Variants in LCMT1 observed in about 807,000 individuals in gnomAD.
LCMT1 encodes leucine carboxyl methyltransferase 1.
In LCMT1, 32 loss-of-function variants were observed where a neutral mutation model predicts 47.7. That is an observed-to-expected ratio of 0.67 (90% CI 0.51 to 0.90). The LOEUF (loss-of-function observed/expected upper bound fraction) is 0.90. Among genes scored for constraint, LCMT1 ranks in the 40% least tolerant of loss-of-function variants. The pLI is 0.00. For synonymous variants in LCMT1, 152 were observed against 149.7 expected, an observed-to-expected ratio of 1.02 and a Z score of -0.11; for missense variants, 375 against 415.2, an observed-to-expected ratio of 0.90 and a Z score of 0.84.
chr16:25,177,304 G>A (rs1315928635), intron 10 of LCMT1, among the ~76,000 whole-genome samples: 4 of 152,112 alleles, frequency 2.6e-5, no homozygotes, highest in Admixed American at 2.0e-4. Context: ...AAATCCACCT[G>A]TATGCCTGTC....
chr16:25,124,398 C>G (rs1419798599), intron 1 of LCMT1, among the ~76,000 whole-genome samples: 1 of 152,086 alleles, frequency 6.6e-6, no homozygotes, highest in Non-Finnish European at 1.5e-5. Flanking sequence ...ATTTGAACAC[C>G]TACATTAAAC....
intron 10 of LCMT1, 40 bp from the exon 11 acceptor site, chr16:25,177,961 C>G (rs1422967009): frequency 6.2e-7 from 1 of 1,607,952 alleles, no homozygotes; most frequent in Admixed American, 1.7e-5. Context: ...CTCCTGGCCA[C>G]CAGAGTCTCC....
intron 9 of LCMT1, among the ~76,000 whole-genome samples, chr16:25,171,928 T>G (rs748317532): frequency 1.7e-4 from 26 of 152,192 alleles, no homozygotes; most frequent in Non-Finnish European, 3.5e-4. Flanking sequence ...CACATACTGG[T>G]CTGTAAACCA....
At position 25,170,779 on chromosome 16, in the gene LCMT1, C is replaced by T. The variant is rs1399328606; in HGVS notation, c.858C>T (p.Asn286=). Reference sequence around the variant, plus strand: ...CCGTCGACATGATGGAGTTGTACAACAGGTTACCTCGAGCTGAAGTGAGCA... The same window carrying T: ...CCGTCGACATGATGGAGTTGTACAATAGGTTACCTCGAGCTGAAGTGAGCA... ...ASAVDMMELY[N]RLPRAEVSRI... Residue 286 remains asparagine, a synonymous_variant, in exon 9 of 11, where the codon AAC becomes AAT. Transcript: ENST00000399069. 3 of 1,612,512 alleles carry T rather than the reference C, an allele frequency of 1.9e-6. No homozygotes were observed. Among genetic ancestry groups the T allele is most frequent in the Non-Finnish European group, 2.5e-6 (3 of 1,178,986 alleles).
intron 3 of LCMT1, among the ~76,000 whole-genome samples, chr16:25,134,067 A>AT (rs993954679): frequency 4.4e-4 from 62 of 140,658 alleles, no homozygotes; most frequent in Non-Finnish European, 5.3e-4. Context: ...CACTAATTGC[A>AT]TTTTTTTTTT....
At chr16:25,134,505 C>T (rs1231999506) in intron 3 of LCMT1, among the ~76,000 whole-genome samples, 1 of 152,194 alleles carries the variant, frequency 6.6e-6, no homozygotes, top group Non-Finnish European at 1.5e-5. Context: ...CATTAAACTC[C>T]GGATTTCTTC....
intron 6 of LCMT1, 143 bp from the exon 7 acceptor site, chr16:25,164,455 G>C: frequency 1.2e-6 from 1 of 834,984 alleles, no homozygotes; most frequent in Non-Finnish European, 1.9e-6. Flanking sequence ...ATGTATTCCT[G>C]TCCTGACTGG....
chr16:25,158,432 G>A (rs557093834), intron 5 of LCMT1, among the ~76,000 whole-genome samples: 17 of 152,354 alleles, frequency 1.1e-4, no homozygotes, highest in South Asian at 8.3e-4. Flanking sequence ...ACTGCGCCCG[G>A]CCGGTCTGTT....
Position 25,132,524 on chromosome 16 carries a change from G to C in LCMT1, c.327+1G>C. The C allele has an allele frequency of 6.2e-7, 1 of 1,613,218 alleles. No individual in the cohort carries two copies. Among genetic ancestry groups the C allele is most frequent in the South Asian group, 1.1e-5 (1 of 90,934 alleles). On this transcript the variant is annotated splice_donor_variant, in intron 3 of 10. Coordinates refer to ENST00000399069, the MANE Select transcript of LCMT1 (RefSeq NM_016309.3). LOFTEE classifies it high-confidence loss of function. ...GGATACCACCTTCTGGAGATTAAAG[G>C]TATGTTCAAATTCCCCTCCTCCCTC...
chr16:25,135,857 G>A (rs1382852853), intron 3 of LCMT1, among the ~76,000 whole-genome samples: 3 of 152,032 alleles, frequency 2.0e-5, no homozygotes, highest in African/African-American at 4.8e-5. Flanking sequence ...TTGGGATGCC[G>A]AGGTGGTTGA....
chr16:25,173,473 C>T (rs1001642160), intron 9 of LCMT1, among the ~76,000 whole-genome samples: 7 of 152,144 alleles, frequency 4.6e-5, no homozygotes, highest in Admixed American at 1.3e-4. Flanking sequence ...CATACCAAGA[C>T]GGGAATGAAC....
chr16:25,134,054 C>A (rs1429765379), intron 3 of LCMT1, among the ~76,000 whole-genome samples: 4 of 148,304 alleles, frequency 2.7e-5, no homozygotes, highest in African/African-American at 5.0e-5. Flanking sequence ...AAAAAAAAGT[C>A]CTCACTAATT....
At chr16:25,160,182 T>C (rs1250795346) in intron 5 of LCMT1, among the ~76,000 whole-genome samples, 1 of 152,100 alleles carries the variant, frequency 6.6e-6, no homozygotes, top group East Asian at 1.9e-4. Context: ...CTCCTGACCT[T>C]GTGATCCACC....
intron 3 of LCMT1, among the ~76,000 whole-genome samples, chr16:25,137,818 G>A (rs970969015): frequency 1.3e-5 from 2 of 152,150 alleles, no homozygotes; most frequent in Non-Finnish European, 2.9e-5. Context: ...TCTTTATGTG[G>A]GAGGGTGCTG....
At chr16:25,133,289 G>T (rs906950416) in intron 3 of LCMT1, among the ~76,000 whole-genome samples, 1 of 150,632 alleles carries the variant, frequency 6.6e-6, no homozygotes, top group African/African-American at 2.4e-5. Flanking sequence ...TTTCTGATTT[G>T]GTCTCTTAAC....
At chr16:25,155,447 T>A (rs1292568385) in intron 5 of LCMT1, among the ~76,000 whole-genome samples, 2 of 151,760 alleles carry the variant, frequency 1.3e-5, no homozygotes, top group Non-Finnish European at 2.9e-5. Context: ...CTTGGGAGGC[T>A]GAGACAGGAG....
intron 1 of LCMT1, among the ~76,000 whole-genome samples, chr16:25,122,134 G>A (rs1960009852): frequency 6.6e-6 from 1 of 152,190 alleles, no homozygotes; most frequent in South Asian, 2.1e-4. Flanking sequence ...CCTACCCATG[G>A]TGAATGCAAT....
intron 5 of LCMT1, 182 bp from the exon 6 acceptor site, chr16:25,160,920 C>A (rs915019709): frequency 1.6e-6 from 1 of 639,042 alleles, no homozygotes; most frequent in Non-Finnish European, 2.9e-6. Context: ...AAATGTTACA[C>A]ACCAAAACAC....
At chr16:25,114,698 C>T (rs1479035634) in intron 1 of LCMT1, among the ~76,000 whole-genome samples, 1 of 152,170 alleles carries the variant, frequency 6.6e-6, no homozygotes, top group Non-Finnish European at 1.5e-5. Context: ...CCCTCCCTCC[C>T]TTTGCCTTCA....
Sources: allele counts gnomAD v4.1 joint callset (sites outside exome capture counted in the v4.1 genomes callset), GRCh38; gene constraint gnomAD v4.1.1; transcripts MANE v1.5; gene names NCBI Gene and HGNC (gene_info 2026-07-23, HGNC 2026-07-21).